Variants in RAB11A observed in about 807,000 individuals in gnomAD.
RAB11A encodes ras-related protein Rab-11A.
RAB11A carries 9 observed loss-of-function variants against 28.0 expected under a neutral mutation model. The observed-to-expected ratio is 0.32, with a 90% confidence interval of 0.19 to 0.56. The LOEUF (loss-of-function observed/expected upper bound fraction) is 0.56. Among genes scored for constraint, RAB11A ranks in the 20% least tolerant of loss-of-function variants. The pLI, the probability that RAB11A is intolerant of heterozygous loss-of-function variation, is 0.91. For missense variants in RAB11A, 108 were observed against 269.6 expected, an observed-to-expected ratio of 0.40 and a Z score of 4.20; for synonymous variants, 85 against 88.2, an observed-to-expected ratio of 0.96 and a Z score of 0.20.
In RAB11A at chr15:65,887,944, A is replaced by G. The variant is rs1433232158; in HGVS notation, c.*104A>G. 4 of 1,214,128 alleles carry G rather than the reference A, an allele frequency of 3.3e-6. No individual in the cohort carries two copies. Among genetic ancestry groups the G allele is most frequent in the Non-Finnish European group, 4.3e-6 (4 of 920,460 alleles). The allele number at this position is 1,214,128 out of a possible 1,614,324, so 75.2% of individuals were successfully genotyped here. Reference sequence around the variant, plus strand: ...TGTCACTTTTGTGTTTTATTACTTCATACTTATGAATTTTTCCATGTCCTA... The same window carrying G: ...TGTCACTTTTGTGTTTTATTACTTCGTACTTATGAATTTTTCCATGTCCTA... On this transcript the variant is annotated 3_prime_UTR_variant, in exon 5 of 5. Transcript: ENST00000261890.
At chr15:65,884,615 A>G (rs2078243107) in intron 4 of RAB11A, among the ~76,000 whole-genome samples, 1 of 152,252 alleles carries the variant, frequency 6.6e-6, no homozygotes, top group East Asian at 1.9e-4. Flanking sequence ...GTTTTTTAGA[A>G]ATAGATTACT....
rs146515031 is a variant in RAB11A at position 65,891,186 on chromosome 15, C to A, written c.*3346C>A. ...TGCCAAATCAACTGGAGTTGTCATT[C>A]TAATGTTTTAAAGAATGATTGGGTT... On this transcript the variant is annotated 3_prime_UTR_variant, in exon 5 of 5. Transcript: ENST00000261890. The A allele has an allele frequency of 2.8e-4, 43 of 152,156 alleles. No homozygotes were observed. Among genetic ancestry groups the A allele is most frequent in the African/African-American group, 9.4e-4 (39 of 41,422 alleles). 9.4% of individuals were successfully genotyped at this position (152,156 alleles called of 1,614,324 possible).
At chr15:65,881,332 G>A (rs1175231954) in intron 4 of RAB11A, among the ~76,000 whole-genome samples, 1 of 152,098 alleles carries the variant, frequency 6.6e-6, no homozygotes, top group Non-Finnish European at 1.5e-5. Context: ...TGAGACCCAG[G>A]AGTTCTAGGG....
intron 3 of RAB11A, 112 bp downstream of exon 3, chr15:65,878,067 A>T: frequency 9.0e-7 from 1 of 1,111,162 alleles, no homozygotes; most frequent in Non-Finnish European, 1.4e-6. Context: ...ATGAATGCTT[A>T]GCAAGAATTG....
chr15:65,869,505 G>A lies in RAB11A; in HGVS notation c.-81G>A. 6.5e-7 allele frequency: 1 copy of A among 1,548,464 alleles called. No individual in the cohort carries two copies. The highest frequency in any genetic ancestry group is 8.7e-7 in the Non-Finnish European group (1 of 1,146,794). ...CCCAGTCCGGCAGTTGAAGCTCGGC[G>A]CTCGGGTTACCCCTGCAGCGACGCC... On this transcript the variant is annotated 5_prime_UTR_variant, in exon 1 of 5. Coordinates refer to ENST00000261890, the MANE Select transcript of RAB11A (RefSeq NM_004663.5).
intron 1 of RAB11A, among the ~76,000 whole-genome samples, chr15:65,872,837 A>G (rs527734283): frequency 5.5e-4 from 83 of 152,198 alleles, no homozygotes; most frequent in Non-Finnish European, 1.1e-3. Flanking sequence ...TTATACAAGT[A>G]TCCTACTTTA....
intron 1 of RAB11A, among the ~76,000 whole-genome samples, chr15:65,876,918 C>T (rs1018375798): frequency 6.6e-6 from 1 of 152,178 alleles, no homozygotes; most frequent in African/African-American, 2.4e-5. Flanking sequence ...TGATACATTA[C>T]ATTTTAATAT....
intron 3 of RAB11A, among the ~76,000 whole-genome samples, chr15:65,878,821 C>T (rs1156728922): frequency 5.3e-5 from 8 of 152,070 alleles, no homozygotes; most frequent in Admixed American, 6.5e-5. Context: ...CTACAACATA[C>T]GGAATACTAT....
At chr15:65,871,216 A>G (rs1179798661) in intron 1 of RAB11A, among the ~76,000 whole-genome samples, 2 of 152,178 alleles carry the variant, frequency 1.3e-5, no homozygotes, top group African/African-American at 4.8e-5. Context: ...GTCTGCTGTT[A>G]TACTCTTATC....
chr15:65,879,715 A>G lies in RAB11A; in HGVS notation c.475A>G (p.Thr159Ala). Residue 159 changes from threonine to alanine, a missense_variant, in exon 4 of 5, where the codon ACA becomes GCA. Thr to Ala is a moderately conservative substitution (Grantham distance 58). This residue lies in a region of RAB11A where 85 missense variants were observed against 145.9 expected (regional missense o/e 0.58). Transcript: ENST00000261890. ...SFIETSALDS[T>A]NVEAAFQTIL... ...CATTGAAACTTCGGCCCTAGACTCT[A>G]CAAATGTAGAAGCTGCTTTTCAGAC... The G allele has an allele frequency of 6.3e-7, 1 of 1,598,752 alleles. No individual in the cohort carries two copies. The highest frequency in any genetic ancestry group is 8.6e-7 in the Non-Finnish European group (1 of 1,166,778).
chr15:65,871,797 A>G (rs2078162444), intron 1 of RAB11A, among the ~76,000 whole-genome samples: 1 of 152,116 alleles, frequency 6.6e-6, no homozygotes. Context: ...TCTACTTTAT[A>G]AAAAGGAAAA....
chr15:65,887,179 T>TC (rs1053537598), intron 4 of RAB11A, among the ~76,000 whole-genome samples: 1 of 145,830 alleles, frequency 6.9e-6, no homozygotes, highest in Non-Finnish European at 1.5e-5. Context: ...GCTTACCTCT[T>TC]TTTTTTTTTT....
chr15:65,877,114 G>A lies in RAB11A; in HGVS notation c.41-218G>A, dbSNP rs992169513. 6.6e-6 allele frequency among the ~76,000 whole-genome samples: 1 copy of A among 152,210 alleles called. No individual in the cohort carries two copies. Among genetic ancestry groups the A allele is most frequent in the Non-Finnish European group, 1.5e-5 (1 of 68,030 alleles). ...GCAGATGATATGTGGAAGTCATGCA[G>A]GTAGAAACAGGTTGAAAAGAATAAA... On this transcript the variant is annotated intron_variant, in intron 1 of 4. Coordinates refer to ENST00000261890, the MANE Select transcript of RAB11A (RefSeq NM_004663.5). This position sits in a 1 kb window ranked among gnomAD's most constrained non-coding sequence, Gnocchi z 4.1.
At chr15:65,883,551 A>G (rs181504027) in intron 4 of RAB11A, among the ~76,000 whole-genome samples, 5 of 152,278 alleles carry the variant, frequency 3.3e-5, no homozygotes. Context: ...AGGTTTCTCC[A>G]TGTAATTAAT....
intron 4 of RAB11A, among the ~76,000 whole-genome samples, chr15:65,881,889 A>C (rs1029422189): frequency 7.9e-5 from 12 of 151,068 alleles, no homozygotes; most frequent in Admixed American, 4.6e-4. Flanking sequence ...AAAAAAAAAA[A>C]AAAAAAAAAA....
Position 65,877,010 on chromosome 15 carries a change from A to G in RAB11A, c.41-322A>G, listed in dbSNP as rs1436654294. Among the ~76,000 whole-genome samples, 1 of 152,216 alleles carries G rather than the reference A, an allele frequency of 6.6e-6. No individual in the cohort carries two copies. Among genetic ancestry groups the G allele is most frequent in the Non-Finnish European group, 1.5e-5 (1 of 68,030 alleles). ...GTAAGATTGGCATAGCATTGACGGT[A>G]ATTAATGCCTGTCATCAATGCCAAG... On this transcript the variant is annotated intron_variant, in intron 1 of 4. Coordinates refer to ENST00000261890, the MANE Select transcript of RAB11A (RefSeq NM_004663.5). This position sits in a 1 kb window ranked among gnomAD's most constrained non-coding sequence, Gnocchi z 4.1.
Position 65,888,093 on chromosome 15 carries a change from T to G in RAB11A, c.*253T>G. 1 of 355,602 alleles carries G rather than the reference T, an allele frequency of 2.8e-6. No homozygotes were observed. Among genetic ancestry groups the G allele is most frequent in the East Asian group, 5.0e-5 (1 of 20,002 alleles). 22.0% of individuals were successfully genotyped at this position (355,602 alleles called of 1,614,324 possible). On this transcript the variant is annotated 3_prime_UTR_variant, in exon 5 of 5. Transcript: ENST00000261890. ...AATGTTTGGATTCCTCAGTTATTGT[T>G]TACTTTTCATCATGGAAGCCTGTCA...
chr15:65,880,910 T>C (rs545312477), intron 4 of RAB11A, among the ~76,000 whole-genome samples: 159 of 152,294 alleles, frequency 1.0e-3, no homozygotes, highest in Non-Finnish European at 2.0e-3. Flanking sequence ...GACCTAAAGG[T>C]TTTTTGTCTC....
chr15:65,874,533 G>C (rs1440889717), intron 1 of RAB11A, among the ~76,000 whole-genome samples: 1 of 151,936 alleles, frequency 6.6e-6, no homozygotes, highest in African/African-American at 2.4e-5. Flanking sequence ...GAGCCACCAC[G>C]CCCGGCCTAG....
Sources: allele counts gnomAD v4.1 joint callset (sites outside exome capture counted in the v4.1 genomes callset), GRCh38; gene constraint gnomAD v4.1.1; regional missense constraint gnomAD v4.1.1; non-coding constraint Gnocchi (gnomAD v3.1); transcripts MANE v1.5; gene names NCBI Gene and HGNC (gene_info 2026-07-23, HGNC 2026-07-21).